Variants in TRPC7 observed in about 807,000 individuals in gnomAD.
TRPC7 encodes transient receptor potential cation channel subfamily C member 7.
A neutral mutation model predicts 90.1 loss-of-function variants in TRPC7; 42 were observed. The observed-to-expected ratio is 0.47, with a 90% CI of 0.36 to 0.60. The LOEUF is 0.60. Among genes scored for constraint, TRPC7 ranks in the 20% least tolerant of loss-of-function variants. The pLI is 0.00. For missense variants in TRPC7, 955 were observed against 1,112.3 expected (o/e 0.86, Z 2.01); for synonymous variants, 451 against 436.3 (o/e 1.03, Z -0.42).
chr5:136,328,968 G>A (rs921401160), intron 2 of TRPC7, among the ~76,000 whole-genome samples: 12 of 152,364 alleles, frequency 7.9e-5, no homozygotes, highest in Middle Eastern at 3.4e-3. Flanking sequence ...AAGTGCAGGC[G>A]CCTGGACGCT....
intron 10 of TRPC7, among the ~76,000 whole-genome samples, chr5:136,224,948 C>T (rs1254926587): frequency 6.6e-6 from 1 of 152,170 alleles, no homozygotes; most frequent in East Asian, 1.9e-4. Flanking sequence ...GGCTGAAGCT[C>T]CCTATTTTTC....
intron 4 of TRPC7, 87 bp downstream of exon 4, chr5:136,274,583 AGCT>A (rs1423214922): frequency 1.5e-6 from 2 of 1,293,244 alleles, no homozygotes; most frequent in Non-Finnish European, 2.0e-6. Flanking sequence ...GGAAAAAATC[AGCT>A]GCTAATTTGA....
intron 5 of TRPC7, among the ~76,000 whole-genome samples, chr5:136,254,307 A>G (rs1468880411): frequency 6.6e-6 from 1 of 152,214 alleles, no homozygotes; most frequent in Middle Eastern, 3.2e-3. Flanking sequence ...TTTCAGAGCT[A>G]TAGAGTAGAC....
chr5:136,322,178 C>T (rs1369500392), intron 2 of TRPC7, among the ~76,000 whole-genome samples: 2 of 152,026 alleles, frequency 1.3e-5, no homozygotes, highest in African/African-American at 2.4e-5. Flanking sequence ...CCAAGCCCTG[C>T]TAATTTTTGT....
intron 2 of TRPC7, among the ~76,000 whole-genome samples, chr5:136,334,612 G>A (rs546047689): frequency 2.6e-5 from 4 of 152,156 alleles, no homozygotes; most frequent in African/African-American, 4.8e-5. Context: ...ACTCTTTCAC[G>A]CTCTGGGCTC....
chr5:136,341,687 T>C (rs1389027003), intron 2 of TRPC7, among the ~76,000 whole-genome samples: 1 of 152,182 alleles, frequency 6.6e-6, no homozygotes, highest in Non-Finnish European at 1.5e-5. Context: ...AGATGAATGA[T>C]TTCTTCATTT....
chr5:136,363,481 GA>G (rs1240653829), intron 1 of TRPC7, among the ~76,000 whole-genome samples: 7 of 151,474 alleles, frequency 4.6e-5, no homozygotes, highest in African/African-American at 9.7e-5. Flanking sequence ...TTAAATAAAA[GA>G]AAAAAAAGAT....
Position 136,247,856 on chromosome 5 carries a change from A to G in TRPC7, c.1580-121T>C. 3 of 1,259,346 alleles carry G rather than the reference A, an allele frequency of 2.4e-6. No homozygotes were observed. The highest frequency in any genetic ancestry group is 3.3e-6 in the Non-Finnish European group (3 of 920,054). 78.0% of individuals were successfully genotyped at this position (1,259,346 alleles called of 1,614,324 possible). ...TTGCCATTCTTGTCCTTGTCCTTAA[A>G]TTAATCCCAATATCCAGAAGTTGCC... On this transcript the variant is annotated intron_variant, in intron 6 of 11. Coordinates refer to ENST00000513104, the MANE Select transcript of TRPC7 (RefSeq NM_020389.3). This position sits in a 1 kb window ranked among gnomAD's most constrained non-coding sequence, Gnocchi z 4.2.
At chr5:136,302,947 A>C (rs1057201859) in intron 3 of TRPC7, among the ~76,000 whole-genome samples, 4 of 151,892 alleles carry the variant, frequency 2.6e-5, no homozygotes, top group African/African-American at 4.8e-5. Context: ...CCCTTTCTAC[A>C]GACCTATCTG....
intron 2 of TRPC7, among the ~76,000 whole-genome samples, chr5:136,326,266 C>A (rs973672780): frequency 1.3e-5 from 2 of 152,146 alleles, no homozygotes; most frequent in Admixed American, 6.6e-5. Context: ...TTTAAAATGC[C>A]AAGGACCTGG....
intron 3 of TRPC7, among the ~76,000 whole-genome samples, chr5:136,284,567 G>A (rs796533079): frequency 3.6e-4 from 55 of 152,350 alleles, no homozygotes; most frequent in African/African-American, 1.3e-3. Context: ...GGACACAGAA[G>A]TTGATAATAA....
At chr5:136,259,211 A>T (rs1348677865) in intron 5 of TRPC7, among the ~76,000 whole-genome samples, 1 of 152,176 alleles carries the variant, frequency 6.6e-6, no homozygotes, top group Non-Finnish European at 1.5e-5. Context: ...CACTTTACAG[A>T]TGAAGAAACT....
intron 3 of TRPC7, among the ~76,000 whole-genome samples, chr5:136,288,518 A>C (rs993409945): frequency 5.9e-5 from 9 of 151,906 alleles, no homozygotes; most frequent in Non-Finnish European, 1.2e-4. Context: ...TATGGAGCAG[A>C]ATAATTCCTG....
chr5:136,289,950 G>A (rs1465822540), intron 3 of TRPC7, among the ~76,000 whole-genome samples: 1 of 152,198 alleles, frequency 6.6e-6, no homozygotes, highest in Admixed American at 6.5e-5. Context: ...AAAACTTCCA[G>A]AGGAATGATC....
intron 5 of TRPC7, among the ~76,000 whole-genome samples, chr5:136,263,912 G>A (rs1325044074): frequency 6.6e-6 from 1 of 152,126 alleles, no homozygotes; most frequent in Non-Finnish European, 1.5e-5. Flanking sequence ...GCTAACTGTT[G>A]AACATGAGAG....
intron 11 of TRPC7, 35 bp from the exon 12 acceptor site, chr5:136,213,639 T>G: frequency 6.2e-7 from 1 of 1,610,600 alleles, no homozygotes; most frequent in Non-Finnish European, 8.5e-7. Flanking sequence ...TGAGTCTGAG[T>G]AGGTGGAAGC....
At chr5:136,245,952 C>A (rs1397494919) in intron 7 of TRPC7, among the ~76,000 whole-genome samples, 3 of 152,212 alleles carry the variant, frequency 2.0e-5, no homozygotes, top group Non-Finnish European at 4.4e-5. Flanking sequence ...CTTCCACACT[C>A]TTCCACTAGA....
In TRPC7 at chr5:136,266,350, A is replaced by G; in HGVS notation, c.1215T>C (p.Asn405=). Reference sequence around the variant, plus strand: ...TAACACCTTCAAATCGGTCAGATGCATTCACAACTAATAATCCCAAGAAGA... The same window carrying G: ...TAACACCTTCAAATCGGTCAGATGCGTTCACAACTAATAATCCCAAGAAGA... The part of the protein sequence containing the change: ...FTIFLGLLVV[N]ASDRFEGVKT... The change falls in exon 5 of 12, where the codon AAT becomes AAC. Residue 405 remains asparagine, a synonymous_variant. Coordinates refer to ENST00000513104, the MANE Select transcript of TRPC7 (RefSeq NM_020389.3). The G allele has an allele frequency of 6.2e-7, 1 of 1,613,944 alleles. No homozygotes were observed. Among genetic ancestry groups the G allele is most frequent in the Admixed American group, 1.7e-5 (1 of 60,030 alleles).
chr5:136,293,223 C>G (rs1758025596), intron 3 of TRPC7, among the ~76,000 whole-genome samples: 1 of 152,170 alleles, frequency 6.6e-6, no homozygotes, highest in Non-Finnish European at 1.5e-5. Context: ...CCTTTGAAAA[C>G]TGGCACAAGA....
Sources: allele counts gnomAD v4.1 joint callset (sites outside exome capture counted in the v4.1 genomes callset), GRCh38; gene constraint gnomAD v4.1.1; non-coding constraint Gnocchi (gnomAD v3.1); transcripts MANE v1.5; gene names NCBI Gene and HGNC (gene_info 2026-07-23, HGNC 2026-07-21).